Variants in KIT observed in about 807,000 individuals in gnomAD.
KIT encodes the protein mast/stem cell growth factor receptor Kit.
A neutral mutation model predicts 105.7 loss-of-function variants in KIT; 16 were observed. The observed-to-expected ratio is 0.15, with a 90% CI of 0.10 to 0.23. The LOEUF is 0.23. Ranked by LOEUF, KIT falls within the 10% of genes least tolerant of loss-of-function variation. KIT has a pLI of 1.00. For synonymous variants in KIT, 438 were observed against 441.1 expected, an observed-to-expected ratio of 0.99 and a Z score of 0.09; for missense variants, 858 against 1,213.8, an observed-to-expected ratio of 0.71 and a Z score of 4.36.
rs1194467380 is a variant in KIT at position 54,693,935 on chromosome 4, T to C, written c.68-1577T>C. 2.6e-5 allele frequency among the ~76,000 whole-genome samples: 4 copies of C among 152,336 alleles called. 1 individual carries two copies. The highest frequency in any genetic ancestry group is 2.6e-4 in the Admixed American group (4 of 15,310). On this transcript the variant is annotated intron_variant, in intron 1 of 20. Coordinates refer to ENST00000288135, the MANE Select transcript of KIT (RefSeq NM_000222.3). Reference sequence around the variant, plus strand: ...CCTGTTTATTCTGAATTCCTTACTGTAGGTTCTCATTACTTCTGCCTGCGA... The same window carrying C: ...CCTGTTTATTCTGAATTCCTTACTGCAGGTTCTCATTACTTCTGCCTGCGA...
In KIT at chr4:54,738,925, C is replaced by T. The variant is rs886059465; in HGVS notation, c.*368C>T. 3 of 588,942 alleles carry T rather than the reference C, an allele frequency of 5.1e-6. No homozygotes were observed. The highest frequency in any genetic ancestry group is 1.9e-5 in the African/African-American group (1 of 53,750). The allele number at this position is 588,942 out of a possible 1,614,324, so 36.5% of individuals were successfully genotyped here. A position where few individuals can be genotyped will look rare whatever the true frequency, so the allele number is the denominator to read the frequency against. On this transcript the variant is annotated 3_prime_UTR_variant, in exon 21 of 21. Transcript: ENST00000288135. ...ATAAATGGTAGTAATCACAGTTGGC[C>T]TTCAGAACCATCCATAGTAGTATGA...
At chr4:54,687,315 G>A (rs1719380085) in intron 1 of KIT, among the ~76,000 whole-genome samples, 1 of 151,998 alleles carries the variant, frequency 6.6e-6, no homozygotes, top group African/African-American at 2.4e-5. Flanking sequence ...ATGTGCCCCT[G>A]TAATCCCAGC....
At chr4:54,672,105 A>G (rs1212832608) in intron 1 of KIT, among the ~76,000 whole-genome samples, 1 of 152,170 alleles carries the variant, frequency 6.6e-6, no homozygotes, top group Non-Finnish European at 1.5e-5. Flanking sequence ...AAAGAAAGCA[A>G]ACAAGATCTA....
At chr4:54,673,706 G>A (rs1028428834) in intron 1 of KIT, among the ~76,000 whole-genome samples, 10 of 152,174 alleles carry the variant, frequency 6.6e-5, no homozygotes, top group African/African-American at 2.4e-4. Context: ...ATAACTATGT[G>A]GAATTCAACT....
At chr4:54,694,820 C>T (rs1247917511) in intron 1 of KIT, among the ~76,000 whole-genome samples, 1 of 152,164 alleles carries the variant, frequency 6.6e-6, no homozygotes, top group Admixed American at 6.5e-5. Flanking sequence ...GCATGCATGG[C>T]TGAATGAAGT....
chr4:54,727,590 A>C (rs2109778056), intron 11 of KIT, 48 bp downstream of exon 11: 1 of 1,612,600 alleles, frequency 6.2e-7, no homozygotes. Context: ...GGGTACACAT[A>C]ACAGTGACTT....
chr4:54,722,614 T>G (rs1371840336), intron 7 of KIT, among the ~76,000 whole-genome samples: 1 of 152,054 alleles, frequency 6.6e-6, no homozygotes, highest in African/African-American at 2.4e-5. Flanking sequence ...TCTGTTGAGC[T>G]TATTTATTCT....
chr4:54,667,430 G>T (rs1025420009), intron 1 of KIT, among the ~76,000 whole-genome samples: 3 of 152,136 alleles, frequency 2.0e-5, no homozygotes, highest in Non-Finnish European at 4.4e-5. Flanking sequence ...AATGTTACAG[G>T]ATTTGTAATA....
rs188505156 is a variant in KIT at position 54,695,132 on chromosome 4, T to A, written c.68-380T>A. On this transcript the variant is annotated intron_variant, in intron 1 of 20. Coordinates refer to ENST00000288135, the MANE Select transcript of KIT (RefSeq NM_000222.3). Reference sequence around the variant, plus strand: ...TGACAGGCCAGTAGTTTCTTTTTTCTTTTTCCCCATAGTGTGAGATTTTGT... The same window carrying A: ...TGACAGGCCAGTAGTTTCTTTTTTCATTTTCCCCATAGTGTGAGATTTTGT... Among the ~76,000 whole-genome samples the A allele has an allele frequency of 5.1e-3, 770 of 152,320 alleles. 12 individuals are homozygous for A. Among genetic ancestry groups the A allele is most frequent in the African/African-American group, 0.018 (730 of 41,566 alleles).
chr4:54,666,820 G>A (rs1717732075), intron 1 of KIT, among the ~76,000 whole-genome samples: 1 of 152,190 alleles, frequency 6.6e-6, no homozygotes, highest in Non-Finnish European at 1.5e-5. Flanking sequence ...TGGCTGTGGG[G>A]CAGAGTTTCT....
chr4:54,736,420 A>T, intron 17 of KIT, 78 bp from the exon 18 acceptor site: 1 of 1,078,074 alleles, frequency 9.3e-7, no homozygotes, highest in Non-Finnish European at 1.4e-6. Flanking sequence ...CAACAGCAGC[A>T]TCTATAAGAA....
chr4:54,688,845 C>T (rs1468495455), intron 1 of KIT, among the ~76,000 whole-genome samples: 1 of 152,232 alleles, frequency 6.6e-6, no homozygotes, highest in East Asian at 1.9e-4. Flanking sequence ...CACAGTTCTT[C>T]CTGCTCTGCT....
At position 54,699,739 on chromosome 4, in the gene KIT, C is replaced by T. The variant is rs1720333583; in HGVS notation, c.729C>T (p.Tyr243=). 2 of 1,613,852 alleles carry T rather than the reference C, an allele frequency of 1.2e-6. No homozygotes were observed. Among genetic ancestry groups the T allele is most frequent in the Admixed American group, 1.7e-5 (1 of 60,014 alleles). ...CTIKDVSSSV[Y]STWKRENSQT... is the part of the protein sequence containing the mutation. ...TAAAAGATGTGTCTAGTTCTGTGTA[C>T]TCAACGTGGAAAAGAGAAAACAGTC... Residue 243 remains tyrosine, a synonymous_variant, in exon 4 of 21, where the codon TAC becomes TAT. Coordinates refer to ENST00000288135, the MANE Select transcript of KIT (RefSeq NM_000222.3).
At chr4:54,678,658 C>T (rs1186056506) in intron 1 of KIT, among the ~76,000 whole-genome samples, 1 of 151,990 alleles carries the variant, frequency 6.6e-6, no homozygotes, top group Non-Finnish European at 1.5e-5. Context: ...CATAATATTC[C>T]TCTTGTTTTC....
intron 1 of KIT, among the ~76,000 whole-genome samples, chr4:54,665,046 T>G (rs190622405): frequency 6.8e-4 from 104 of 152,226 alleles, no homozygotes; most frequent in African/African-American, 2.1e-3. Flanking sequence ...GCAGCTCCCC[T>G]CTCCTTCCCC....
intron 1 of KIT, among the ~76,000 whole-genome samples, chr4:54,692,958 C>A (rs972467422): frequency 6.6e-6 from 1 of 152,166 alleles, no homozygotes; most frequent in Non-Finnish European, 1.5e-5. Context: ...TATACACACA[C>A]CTGCAGGAAA....
At chr4:54,723,806 T>G (rs1722048207) in intron 8 of KIT, 108 bp downstream of exon 8, 1 of 788,788 alleles carries the variant, frequency 1.3e-6, no homozygotes, top group Non-Finnish European at 2.2e-6. Flanking sequence ...TTTGTTTTGA[T>G]TATTGTTTTT....
rs532913895 is a variant in KIT, at chr4:54,710,107, A to G, written c.1231+568A>G. ...GATGGCCATGGGCACCTGAGCACCCAAGTCCTGCACTGCTGGGGTCCTACC... is the reference window on the plus strand; with the variant it reads ...GATGGCCATGGGCACCTGAGCACCCGAGTCCTGCACTGCTGGGGTCCTACC... On this transcript the variant is annotated intron_variant, in intron 7 of 20. Coordinates refer to ENST00000288135, the MANE Select transcript of KIT (RefSeq NM_000222.3). 1.6e-4 allele frequency among the ~76,000 whole-genome samples: 25 copies of G among 152,314 alleles called. No individual in the cohort carries two copies. The East Asian group carries it at 4.6e-3, about 28-fold the overall frequency.
chr4:54,658,098 G>T lies in KIT; in HGVS notation c.67+17G>T, dbSNP rs2109521742. On this transcript the variant is annotated intron_variant, in intron 1 of 20. Coordinates refer to ENST00000288135, the MANE Select transcript of KIT (RefSeq NM_000222.3). ...TCCAGACAGGTGGGACACCGCGGCTGGCACCCCGACCGTGCGACTACTCGG... is the reference window on the plus strand; with the variant it reads ...TCCAGACAGGTGGGACACCGCGGCTTGCACCCCGACCGTGCGACTACTCGG... 6.2e-7 allele frequency: 1 copy of T among 1,613,278 alleles called. No homozygotes were observed. Among genetic ancestry groups the T allele is most frequent in the Non-Finnish European group, 8.5e-7 (1 of 1,179,468 alleles).
Sources: allele counts gnomAD v4.1 joint callset (sites outside exome capture counted in the v4.1 genomes callset), GRCh38; gene constraint gnomAD v4.1.1; transcripts MANE v1.5; gene names NCBI Gene and HGNC (gene_info 2026-07-23, HGNC 2026-07-21).